PRKAR1B: variants seen among roughly 807,000 people sequenced by gnomAD.
PRKAR1B encodes the protein cAMP-dependent protein kinase type I-beta regulatory subunit.
In PRKAR1B, 22 loss-of-function variants were observed where a neutral mutation model predicts 46.5. That is an observed-to-expected ratio of 0.47 (90% CI 0.34 to 0.68). The LOEUF (loss-of-function observed/expected upper bound fraction) is 0.68. Among genes scored for constraint, PRKAR1B ranks in the 30% least tolerant of loss-of-function variants. PRKAR1B has a pLI of 0.01. For missense variants in PRKAR1B, 445 were observed against 535.6 expected (o/e 0.83, Z 1.67); for synonymous variants, 259 against 217.7 (o/e 1.19, Z -1.67).
intron 1 of PRKAR1B, 75 bp from the exon 2 acceptor site, chr7:711,602 G>T: frequency 7.5e-7 from 1 of 1,335,682 alleles, no homozygotes; most frequent in Non-Finnish European, 1.0e-6. Flanking sequence ...CAGGCGGCGT[G>T]AACCAGGCTT....
At chr7:647,408 C>T (rs1188056356) in intron 4 of PRKAR1B, among the ~76,000 whole-genome samples, 2 of 151,982 alleles carry the variant, frequency 1.3e-5, no homozygotes, top group Non-Finnish European at 2.9e-5. Flanking sequence ...CCATCCATGC[C>T]CCCTCTATGA....
rs542071770 is a variant in PRKAR1B at position 675,995 on chromosome 7, A to G, written c.440+1234T>C. ...AAAAAATGCAAACAGCCGCAGTAGGAAAACAGCTAATTCACATAGAAATTG... is the reference window on the plus strand; with the variant it reads ...AAAAAATGCAAACAGCCGCAGTAGGGAAACAGCTAATTCACATAGAAATTG... On this transcript the variant is annotated intron_variant, in intron 4 of 10. Transcript: ENST00000537384. Among the ~76,000 whole-genome samples the G allele has an allele frequency of 1.9e-4, 29 of 151,568 alleles. 1 individual carries two copies. Among genetic ancestry groups the G allele is most frequent in the African/African-American group, 7.1e-4 (29 of 41,046 alleles).
intron 4 of PRKAR1B, among the ~76,000 whole-genome samples, chr7:629,241 G>A (rs1425366247): frequency 2.6e-5 from 4 of 152,264 alleles, no homozygotes; most frequent in Non-Finnish European, 2.9e-5. Flanking sequence ...GGCTCCAAGC[G>A]CGAGGGCTGG....
intron 9 of PRKAR1B, among the ~76,000 whole-genome samples, chr7:572,408 C>T (rs971669707): frequency 1.3e-5 from 2 of 152,184 alleles, no homozygotes; most frequent in Non-Finnish European, 2.9e-5. Flanking sequence ...CCAGGAGGGG[C>T]CTGCTCCTGC....
rs998658965 is a variant in PRKAR1B at position 602,294 on chromosome 7, G to C, written c.549+3899C>G. Among the ~76,000 whole-genome samples the C allele has an allele frequency of 1.3e-5, 2 of 152,156 alleles. No individual in the cohort carries two copies. The highest frequency in any genetic ancestry group is 4.8e-5 in the African/African-American group (2 of 41,442). On this transcript the variant is annotated intron_variant, in intron 6 of 10. Coordinates refer to ENST00000537384, the MANE Select transcript of PRKAR1B (RefSeq NM_001164760.2). The surrounding 1 kb of genome is among the most constrained non-coding windows in gnomAD (Gnocchi z 6.4). ...GTTACAGACGGCGGCGGGGGGAGGG[G>C]GGGTCTGTCCTGCTGGAAGGACGGA...
rs187889283 is a variant in PRKAR1B, at chr7:663,130, G to A, written c.440+14099C>T. ...GTCTGATGAACAAGGGCCCACCCGCGGGAAGAATCAGTCACTTCCTCAGTG... is the reference window on the plus strand; with the variant it reads ...GTCTGATGAACAAGGGCCCACCCGCAGGAAGAATCAGTCACTTCCTCAGTG... On this transcript the variant is annotated intron_variant, in intron 4 of 10. Coordinates refer to ENST00000537384, the MANE Select transcript of PRKAR1B (RefSeq NM_001164760.2). Among the ~76,000 whole-genome samples, 34 of 152,272 alleles carry A rather than the reference G, an allele frequency of 2.2e-4. No homozygotes were observed. The East Asian group carries it at 4.6e-3, about 21-fold the overall frequency.
intron 2 of PRKAR1B, chr7:691,564 T>C (rs1779428122): frequency 6.1e-6 from 8 of 1,304,350 alleles, no homozygotes; most frequent in Non-Finnish European, 8.1e-6. Context: ...CCACACGCCC[T>C]TCCGCCTACA....
intron 4 of PRKAR1B, among the ~76,000 whole-genome samples, chr7:616,139 G>A (rs1446602747): frequency 6.6e-6 from 1 of 152,192 alleles, no homozygotes; most frequent in East Asian, 1.9e-4. Flanking sequence ...CACTGGGTGG[G>A]TCTCAGCCCC....
chr7:605,910 C>G (rs2128463947), intron 6 of PRKAR1B, among the ~76,000 whole-genome samples: 1 of 152,318 alleles, frequency 6.6e-6, no homozygotes, highest in Admixed American at 6.5e-5. Flanking sequence ...ACCGCCCTGG[C>G]CAGCCCCAGC....
intron 6 of PRKAR1B, 95 bp from the exon 7 acceptor site, chr7:596,399 G>T: frequency 1.4e-6 from 2 of 1,449,196 alleles, no homozygotes; most frequent in Non-Finnish European, 1.9e-6. Flanking sequence ...CTCTCCAGAA[G>T]AGGGTCCCCG....
chr7:665,378 A>G (rs1055241944), intron 4 of PRKAR1B, among the ~76,000 whole-genome samples: 2 of 152,064 alleles, frequency 1.3e-5, no homozygotes, highest in African/African-American at 4.8e-5. Context: ...CCCCTGCCAA[A>G]CGGCAGCCTC....
intron 7 of PRKAR1B, among the ~76,000 whole-genome samples, chr7:587,100 A>T: frequency 6.6e-6 from 1 of 152,038 alleles, no homozygotes; most frequent in Admixed American, 6.6e-5. Flanking sequence ...TTAACCAGGA[A>T]TTTATCCCAC....
At chr7:625,507 C>G (rs551127045) in intron 4 of PRKAR1B, among the ~76,000 whole-genome samples, 1 of 152,124 alleles carries the variant, frequency 6.6e-6, no homozygotes, top group Non-Finnish European at 1.5e-5. Context: ...GACATCACTA[C>G]AGGTCCCATG....
chr7:578,362 G>A (rs1180605563), intron 9 of PRKAR1B, among the ~76,000 whole-genome samples: 1 of 152,232 alleles, frequency 6.6e-6, no homozygotes, highest in Non-Finnish European at 1.5e-5. Context: ...CCTGTCGCCT[G>A]CCTGTGGTGG....
intron 8 of PRKAR1B, among the ~76,000 whole-genome samples, chr7:583,457 TCA>T (rs1348626292): frequency 8.0e-5 from 9 of 112,166 alleles, no homozygotes; most frequent in Admixed American, 1.8e-4. Flanking sequence ...TCACACCCAC[TCA>T]CACACGTGCA....
intron 4 of PRKAR1B, among the ~76,000 whole-genome samples, chr7:634,796 T>C (rs901571829): frequency 2.6e-5 from 4 of 151,890 alleles, no homozygotes; most frequent in Admixed American, 6.6e-5. Context: ...CCCGCCACCA[T>C]GTCTGGCTAA....
chr7:657,963 T>A (rs1785299137), intron 4 of PRKAR1B, among the ~76,000 whole-genome samples: 1 of 152,010 alleles, frequency 6.6e-6, no homozygotes, highest in African/African-American at 2.4e-5. Context: ...CAGACCCACC[T>A]TCTAAAGAGG....
intron 4 of PRKAR1B, among the ~76,000 whole-genome samples, chr7:645,827 G>A (rs771857238): frequency 2.4e-4 from 37 of 152,110 alleles, no homozygotes; most frequent in Non-Finnish European, 4.6e-4. Flanking sequence ...TGAGCCCCAG[G>A]GAGTACAGGC....
chr7:724,021 C>T (rs1445488565), intron 1 of PRKAR1B, among the ~76,000 whole-genome samples: 3 of 152,160 alleles, frequency 2.0e-5, no homozygotes, highest in Non-Finnish European at 2.9e-5. Context: ...TGGATGAGTG[C>T]CCAACCTCAT....
Sources: gnomAD v4.1 joint callset for allele counts (sites outside exome capture counted in the v4.1 genomes callset) on GRCh38, gnomAD v4.1.1 for gene constraint, Gnocchi (gnomAD v3.1) non-coding constraint, MANE v1.5 for transcripts, NCBI Gene and HGNC (gene_info 2026-07-23, HGNC 2026-07-21) for gene names.